SRRM4: variants seen among roughly 807,000 people sequenced by gnomAD.
The protein encoded by SRRM4 is serine/arginine repetitive matrix protein 4.
A neutral mutation model predicts 68.9 loss-of-function variants in SRRM4; 33 were observed. The ratio of observed to expected loss-of-function variants is 0.48; its 90% CI spans 0.36 to 0.64. The LOEUF is 0.64. SRRM4 is among the 30% of genes least tolerant of loss of function. The probability of loss-of-function intolerance (pLI) is 0.00; values close to 1 mark genes in which losing one functional copy is unlikely to be tolerated. For synonymous variants in SRRM4, 318 were observed against 318.8 expected, an observed-to-expected ratio of 1.00 and a Z score of 0.03; for missense variants, 817 against 827.1, an observed-to-expected ratio of 0.99 and a Z score of 0.15.
At chr12:119,093,198 G>A (rs1469362771) in intron 1 of SRRM4, among the ~76,000 whole-genome samples, 2 of 152,102 alleles carry the variant, frequency 1.3e-5, no homozygotes, top group African/African-American at 4.8e-5. Context: ...TTTATTTTCT[G>A]CTCTCTTCCT....
At chr12:119,152,103 C>T (rs1324052296) in intron 10 of SRRM4, among the ~76,000 whole-genome samples, 2 of 152,164 alleles carry the variant, frequency 1.3e-5, no homozygotes, top group Non-Finnish European at 2.9e-5. Flanking sequence ...TCTCAGAAAT[C>T]GGAAGATTCT....
At chr12:119,153,426 T>C in intron 10 of SRRM4, 113 bp from the exon 11 acceptor site, 1 of 668,962 alleles carries the variant, frequency 1.5e-6, no homozygotes, top group Admixed American at 2.7e-5. Flanking sequence ...CTGCCTGGCT[T>C]CCAGAAAGAA....
At chr12:119,051,515 G>A (rs928771133) in intron 1 of SRRM4, among the ~76,000 whole-genome samples, 1 of 152,138 alleles carries the variant, frequency 6.6e-6, no homozygotes, top group Non-Finnish European at 1.5e-5. Context: ...TCTGAAAGTG[G>A]AGGGAATGAA....
chr12:119,131,337 G>T (rs974860873), intron 8 of SRRM4, among the ~76,000 whole-genome samples: 49 of 152,294 alleles, frequency 3.2e-4, no homozygotes, highest in African/African-American at 1.1e-3. Context: ...CTTCCAAGGA[G>T]GTCATAGCTC....
At chr12:119,130,603 C>T (rs1415284891) in intron 7 of SRRM4, 75 bp from the exon 8 acceptor site, 5 of 1,417,712 alleles carry the variant, frequency 3.5e-6, no homozygotes, top group African/African-American at 1.4e-5. Flanking sequence ...ATCCTCAGAT[C>T]CTGTTGGTCC....
At chr12:119,067,528 G>A (rs371743026) in intron 1 of SRRM4, among the ~76,000 whole-genome samples, 4 of 152,012 alleles carry the variant, frequency 2.6e-5, no homozygotes, top group Admixed American at 6.6e-5. Context: ...CCAACATGGT[G>A]AAACCCCGTC....
At chr12:119,127,008 G>A (rs945080859) in intron 7 of SRRM4, among the ~76,000 whole-genome samples, 3 of 146,434 alleles carry the variant, frequency 2.0e-5, no homozygotes, top group African/African-American at 7.7e-5. Flanking sequence ...GAACTGAACA[G>A]TGAGAACACA....
At chr12:119,037,669 C>T (rs549478963) in intron 1 of SRRM4, among the ~76,000 whole-genome samples, 9 of 152,164 alleles carry the variant, frequency 5.9e-5, no homozygotes, top group African/African-American at 1.9e-4. Flanking sequence ...GGACAGCTGG[C>T]TTATATATAT....
chr12:119,006,098 G>C (rs1438954022), intron 1 of SRRM4, among the ~76,000 whole-genome samples: 2 of 152,174 alleles, frequency 1.3e-5, no homozygotes, highest in Non-Finnish European at 2.9e-5. Flanking sequence ...GACGCCCATT[G>C]CATCCCCCTT....
chr12:118,992,610 T>C (rs1953324300), intron 1 of SRRM4, among the ~76,000 whole-genome samples: 1 of 152,202 alleles, frequency 6.6e-6, no homozygotes, highest in South Asian at 2.1e-4. Flanking sequence ...GGATTTATCA[T>C]ATGGATGGTT....
intron 8 of SRRM4, among the ~76,000 whole-genome samples, chr12:119,144,238 A>G (rs1383069784): frequency 6.6e-6 from 1 of 151,818 alleles, no homozygotes; most frequent in Non-Finnish European, 1.5e-5. Context: ...CAATATTCAC[A>G]CCTAGGTAGT....
At chr12:119,068,861 C>G (rs1326287087) in intron 1 of SRRM4, among the ~76,000 whole-genome samples, 1 of 152,076 alleles carries the variant, frequency 6.6e-6, no homozygotes, top group Non-Finnish European at 1.5e-5. Context: ...GGTCTAGAGT[C>G]TGGGAGGAAT....
In SRRM4 at chr12:119,116,958, G is replaced by T. The variant is rs748785068; in HGVS notation, c.387G>T (p.Ser129=). 79 of 1,613,582 alleles carry T rather than the reference G, an allele frequency of 4.9e-5. 1 individual carries two copies. The highest frequency in any genetic ancestry group is 5.8e-5 in the Non-Finnish European group (69 of 1,179,810). ...KRRRSSSYSP[S]PVKKKKKKSS... is the part of the protein sequence containing the mutation. Reference sequence around the variant, plus strand: ...GCAGGTCCTCATCCTATAGCCCATCGCCTGTCAAGAAAAAGAAGAAGAAAA... The same window carrying T: ...GCAGGTCCTCATCCTATAGCCCATCTCCTGTCAAGAAAAAGAAGAAGAAAA... The change falls in exon 4 of 13, where the codon TCG becomes TCT. Residue 129 remains serine, a synonymous_variant. Coordinates refer to ENST00000267260, the MANE Select transcript of SRRM4 (RefSeq NM_194286.4).
At chr12:119,009,006 A>C (rs6490226) in intron 1 of SRRM4, among the ~76,000 whole-genome samples, 113,453 of 151,642 alleles carry the variant, frequency 0.75, 43,068 homozygotes, top group Middle Eastern at 0.89. Context: ...CGTGGCCCCC[A>C]GCCCAAAGGG....
chr12:119,141,062 C>T (rs1954362116), intron 8 of SRRM4, among the ~76,000 whole-genome samples: 1 of 152,224 alleles, frequency 6.6e-6, no homozygotes, highest in South Asian at 2.1e-4. Context: ...CCACCTCAGC[C>T]TCCCAACTAG....
chr12:119,024,114 T>A (rs1161933743), intron 1 of SRRM4, among the ~76,000 whole-genome samples: 1 of 152,184 alleles, frequency 6.6e-6, no homozygotes, highest in Non-Finnish European at 1.5e-5. Flanking sequence ...ACTGTTTGAC[T>A]TTCTCTCTTG....
chr12:119,029,331 A>G (rs1953571447), intron 1 of SRRM4, among the ~76,000 whole-genome samples: 1 of 152,016 alleles, frequency 6.6e-6, no homozygotes, highest in African/African-American at 2.4e-5. Context: ...AGCCCTGATG[A>G]AGACATGAAG....
At chr12:119,079,138 G>A (rs1188783707) in intron 1 of SRRM4, among the ~76,000 whole-genome samples, 1 of 152,096 alleles carries the variant, frequency 6.6e-6, no homozygotes, top group African/African-American at 2.4e-5. Context: ...GCAGGTGGAG[G>A]GAACTTCATA....
intron 9 of SRRM4, among the ~76,000 whole-genome samples, chr12:119,146,952 A>G (rs1592916803): frequency 6.6e-6 from 1 of 152,074 alleles, no homozygotes; most frequent in East Asian, 1.9e-4. Context: ...AAAAAAGAAC[A>G]TATCACAGTA....
Sources: allele counts gnomAD v4.1 joint callset (sites outside exome capture counted in the v4.1 genomes callset), GRCh38; gene constraint gnomAD v4.1.1; transcripts MANE v1.5; gene names NCBI Gene and HGNC (gene_info 2026-07-23, HGNC 2026-07-21).